Variants in ADGRL2 observed in about 807,000 individuals in gnomAD.
ADGRL2 encodes the protein calcium-independent alpha-latrotoxin receptor 2.
A neutral mutation model predicts 157.4 loss-of-function variants in ADGRL2; 44 were observed. The ratio of observed to expected loss-of-function variants is 0.28; its 90% CI spans 0.22 to 0.36. The LOEUF is 0.36. ADGRL2 is among the 10% of genes least tolerant of loss of function. ADGRL2 has a pLI of 1.00. For synonymous variants in ADGRL2, 585 were observed against 624.7 expected (o/e 0.94, Z 0.95); for missense variants, 1,510 against 1,768.9 (o/e 0.85, Z 2.63).
intron 2 of ADGRL2, among the ~76,000 whole-genome samples, chr1:81,903,084 T>A (rs2094518190): frequency 6.6e-6 from 1 of 152,208 alleles, no homozygotes; most frequent in Non-Finnish European, 1.5e-5. Flanking sequence ...TTATAAGACT[T>A]TGAAATGGCT....
chr1:81,582,928 A>G (rs1453654950), intron 3 of ADGRL2, among the ~76,000 whole-genome samples: 26 of 152,000 alleles, frequency 1.7e-4, no homozygotes, highest in Admixed American at 1.7e-3. Context: ...CCAACACACA[A>G]CACACAACCC....
intron 2 of ADGRL2, among the ~76,000 whole-genome samples, chr1:81,493,615 G>T (rs1316242047): frequency 6.6e-6 from 1 of 152,168 alleles, no homozygotes; most frequent in Non-Finnish European, 1.5e-5. Flanking sequence ...TCTCTGGTCA[G>T]CTGAAACACA....
intron 1 of ADGRL2, among the ~76,000 whole-genome samples, chr1:81,427,897 T>A (rs1326714627): frequency 6.6e-6 from 1 of 152,206 alleles, no homozygotes; most frequent in African/African-American, 2.4e-5. Context: ...GGTAGCTTTT[T>A]CTTCTTCTTT....
At chr1:81,336,902 A>G (rs889096484) in intron 1 of ADGRL2, among the ~76,000 whole-genome samples, 2 of 152,140 alleles carry the variant, frequency 1.3e-5, no homozygotes. Flanking sequence ...TGAAAACCCC[A>G]GGCTCCACTG....
chr1:81,507,822 C>T (rs1322414870), intron 2 of ADGRL2, among the ~76,000 whole-genome samples: 1 of 152,130 alleles, frequency 6.6e-6, no homozygotes, highest in East Asian at 1.9e-4. Flanking sequence ...GGACATATCC[C>T]ATTTTCCATT....
chr1:81,360,991 G>C (rs2100910798), intron 1 of ADGRL2, among the ~76,000 whole-genome samples: 1 of 151,964 alleles, frequency 6.6e-6, no homozygotes, highest in African/African-American at 2.4e-5. Flanking sequence ...AAAATGATAA[G>C]AGGAAACTCC....
chr1:81,746,893 C>T (rs141564498), intron 1 of ADGRL2, among the ~76,000 whole-genome samples: 15 of 127,178 alleles, frequency 1.2e-4, no homozygotes, highest in African/African-American at 4.2e-4. Flanking sequence ...CACACGTATA[C>T]ACGTATATAC....
chr1:81,511,426 A>ACACACG lies in ADGRL2; in HGVS notation c.-248+66337_-248+66338insCACACG, dbSNP rs1491576683. Among the ~76,000 whole-genome samples, 557 of 150,726 alleles carry ACACACG rather than the reference A, an allele frequency of 3.7e-3. 4 individuals are homozygous for ACACACG. Among genetic ancestry groups the ACACACG allele is most frequent in the African/African-American group, 0.013 (520 of 40,760 alleles). ...CACACACACACACACACACACACAC[A>ACACACG]TAGACACATACAAGAAAACACCAAC... On this transcript the variant is annotated intron_variant, in intron 2 of 24. Transcript: ENST00000370721.
chr1:81,708,621 T>G (rs2083818833), intron 1 of ADGRL2, among the ~76,000 whole-genome samples: 2 of 149,412 alleles, frequency 1.3e-5, no homozygotes, highest in Middle Eastern at 3.5e-3. Flanking sequence ...CATATACTAT[T>G]GTTTGCATTA....
In ADGRL2 at chr1:81,861,099, C is replaced by T. The variant is rs795350; in HGVS notation, c.73+24042C>T. 2.6e-3 allele frequency among the ~76,000 whole-genome samples: 387 copies of T among 151,258 alleles called. 4 individuals are homozygous for T. The East Asian group carries it at 0.027, about 11-fold the overall frequency. On this transcript the variant is annotated intron_variant, in intron 2 of 23. Transcript: ENST00000686636. ...TGGCACAATCTCGGCTCACTGCAAC[C>T]TCCACCTACCGGGTGGGTTCAAGCG...
intron 1 of ADGRL2, among the ~76,000 whole-genome samples, chr1:81,761,489 C>T (rs535750066): frequency 6.3e-4 from 96 of 151,908 alleles, no homozygotes; most frequent in African/African-American, 2.2e-3. Context: ...TCATCTCTCT[C>T]AATAAAAACT....
Position 81,969,167 on chromosome 1 carries a change from T to C in ADGRL2, c.2524-11T>C. On this transcript the variant is annotated splice_polypyrimidine_tract_variant and intron_variant, in intron 14 of 23. Transcript: ENST00000686636. ...GGAATACTAATGTTCCTCATATCTT[T>C]TTATTTTCAGTATAAAGATGGCGTT... 2 of 1,598,858 alleles carry C rather than the reference T, an allele frequency of 1.3e-6. No individual in the cohort carries two copies. Among genetic ancestry groups the C allele is most frequent in the Middle Eastern group, 1.7e-4 (1 of 6,042 alleles).
chr1:81,850,554 G>C (rs2092966514), intron 2 of ADGRL2, among the ~76,000 whole-genome samples: 1 of 151,796 alleles, frequency 6.6e-6, no homozygotes, highest in African/African-American at 2.4e-5. Context: ...CTATATAACT[G>C]CTTCTTGAAA....
intron 1 of ADGRL2, among the ~76,000 whole-genome samples, chr1:81,406,218 G>T (rs2076851412): frequency 6.6e-6 from 1 of 152,086 alleles, no homozygotes; most frequent in Non-Finnish European, 1.5e-5. Flanking sequence ...GCAAATCACA[G>T]ACCCTCTGTG....
At chr1:81,532,218 C>T (rs531149491) in intron 2 of ADGRL2, among the ~76,000 whole-genome samples, 27 of 152,146 alleles carry the variant, frequency 1.8e-4, no homozygotes, top group East Asian at 9.7e-4. Context: ...CTTAGCACAA[C>T]GATAATTCTA....
chr1:81,467,241 G>T (rs1308920061), intron 2 of ADGRL2, among the ~76,000 whole-genome samples: 1 of 151,998 alleles, frequency 6.6e-6, no homozygotes, highest in Non-Finnish European at 1.5e-5. Flanking sequence ...TGCTGCATAG[G>T]GAGAATTAAT....
chr1:81,664,137 C>G (rs371490937), intron 3 of ADGRL2, among the ~76,000 whole-genome samples: 3 of 152,014 alleles, frequency 2.0e-5, no homozygotes, highest in African/African-American at 7.2e-5. Context: ...TATCCAGATC[C>G]GGAAAATCTT....
At chr1:81,742,908 G>T (rs903664692) in intron 1 of ADGRL2, among the ~76,000 whole-genome samples, 1 of 151,940 alleles carries the variant, frequency 6.6e-6, no homozygotes, top group African/African-American at 2.4e-5. Context: ...ATATAGAATA[G>T]TCATCACTTA....
At chr1:81,959,831 A>G (rs1414233604) in intron 11 of ADGRL2, among the ~76,000 whole-genome samples, 1 of 151,270 alleles carries the variant, frequency 6.6e-6, no homozygotes, top group Non-Finnish European at 1.5e-5. Context: ...ATGGAGTTCC[A>G]CTCTTGTTGC....
Sources: allele counts gnomAD v4.1 joint callset (sites outside exome capture counted in the v4.1 genomes callset), GRCh38; gene constraint gnomAD v4.1.1; transcripts MANE v1.5; gene names NCBI Gene and HGNC (gene_info 2026-07-23, HGNC 2026-07-21).